ANK2: variants seen among roughly 807,000 people sequenced by gnomAD.
ANK2 encodes ankyrin 2.
Under a neutral mutation model 360.5 loss-of-function variants are expected in ANK2, and 83 were observed. The ratio of observed to expected loss-of-function variants is 0.23; its 90% CI spans 0.19 to 0.28. The LOEUF is 0.28. Among genes scored for constraint, ANK2 ranks in the 10% least tolerant of loss-of-function variants. The pLI, the probability that ANK2 is intolerant of heterozygous loss-of-function variation, is 1.00. For synonymous variants in ANK2, 1,740 were observed against 1,759.5 expected (o/e 0.99, Z 0.28); for missense variants, 4,201 against 4,795.7 (o/e 0.88, Z 3.66).
chr4:113,278,746 A>C (rs1192367408), intron 17 of ANK2, among the ~76,000 whole-genome samples, 188 bp downstream of exon 17: 1 of 151,856 alleles, frequency 6.6e-6, no homozygotes, highest in Non-Finnish European at 1.5e-5. Context: ...CTTTTTTAAG[A>C]TTTTTTAAGA....
chr4:112,742,950 G>A, the ANK2 span, among the ~76,000 whole-genome samples: 2 of 152,016 alleles, frequency 1.3e-5, no homozygotes, highest in East Asian at 1.9e-4. Context: ...GGTCTCGACT[G>A]GCCTCTCATT....
chr4:113,217,588 G>A (rs1001639124), intron 4 of ANK2, among the ~76,000 whole-genome samples: 7 of 152,146 alleles, frequency 4.6e-5, no homozygotes, highest in African/African-American at 1.4e-4. Context: ...ATTCTCATAA[G>A]GGGTGCGCAA....
At chr4:112,929,610 T>G (rs1355918365) in intron 2 of ANK2, among the ~76,000 whole-genome samples, 1 of 152,226 alleles carries the variant, frequency 6.6e-6, no homozygotes, top group Admixed American at 6.5e-5. Flanking sequence ...TGGCCAGGCT[T>G]AGTTTTTCCT....
chr4:112,958,846 TTTC>T (rs1353044251), intron 2 of ANK2, among the ~76,000 whole-genome samples: 1 of 34,032 alleles, frequency 2.9e-5, no homozygotes, highest in Non-Finnish European at 4.8e-5. Context: ...CAAGAGAAGA[TTTC>T]TTTTTCTTTT....
chr4:112,918,681 G>A (rs1055972613), intron 2 of ANK2, among the ~76,000 whole-genome samples: 2 of 152,182 alleles, frequency 1.3e-5, no homozygotes, highest in African/African-American at 4.8e-5. Flanking sequence ...CTTCTTAAGT[G>A]TTTTGAATGT....
At chr4:113,335,065 T>G (rs1487491231) in intron 29 of ANK2, among the ~76,000 whole-genome samples, 1 of 152,166 alleles carries the variant, frequency 6.6e-6, no homozygotes, top group Admixed American at 6.6e-5. Flanking sequence ...TGAACAACTT[T>G]CCATCACCTC....
At chr4:112,977,802 A>C (rs2041932314) in intron 2 of ANK2, among the ~76,000 whole-genome samples, 1 of 151,358 alleles carries the variant, frequency 6.6e-6, no homozygotes, top group Non-Finnish European at 1.5e-5. Context: ...TCATTGTTCA[A>C]CTCCCACTTA....
At chr4:113,063,249 A>G (rs2074278466) in intron 1 of ANK2, among the ~76,000 whole-genome samples, 1 of 152,150 alleles carries the variant, frequency 6.6e-6, no homozygotes, top group East Asian at 1.9e-4. Flanking sequence ...GCATTTGGTT[A>G]TCATTTATTA....
intron 1 of ANK2, among the ~76,000 whole-genome samples, chr4:113,163,769 A>G (rs936090964): frequency 1.4e-5 from 1 of 71,640 alleles, no homozygotes; most frequent in Non-Finnish European, 2.8e-5. Context: ...CGTCTCAAAA[A>G]AAAAAAAAAA....
At chr4:112,896,850 C>G (rs1256052626) in intron 1 of ANK2, among the ~76,000 whole-genome samples, 2 of 152,124 alleles carry the variant, frequency 1.3e-5, no homozygotes. Flanking sequence ...TCCAGTGAGC[C>G]ACCACCCTCA....
chr4:113,221,403 C>T (rs58311209), intron 4 of ANK2, among the ~76,000 whole-genome samples: 5,588 of 152,056 alleles, frequency 0.037, 120 homozygotes, highest in East Asian at 0.067. Flanking sequence ...CTCACATCTG[C>T]AATACCAGCA....
At chr4:113,249,529 C>G (rs1159278069) in intron 9 of ANK2, among the ~76,000 whole-genome samples, 3 of 152,138 alleles carry the variant, frequency 2.0e-5, no homozygotes, top group Non-Finnish European at 4.4e-5. Flanking sequence ...TTGCTTTCTC[C>G]CTGTCTCTGT....
rs1331314687 is a variant in ANK2, at chr4:113,336,001, G to C, written c.3535G>C (p.Val1179Leu). The change falls in exon 30 of 46, where the codon GTG (valine) becomes CTG (leucine). Residue 1179 changes from valine to leucine, a missense_variant. Physicochemically the swap from Val to Leu is conservative, Grantham distance 32. Around this residue, in one of 4 missense-constraint regions of ANK2, gnomAD observed 1,268 missense variants for 1,650.8 expected, o/e 0.77. Coordinates refer to ENST00000357077, the MANE Select transcript of ANK2 (RefSeq NM_001148.6). ...GVLSSTVVPQ[V>L]QAVFPEGALT... ...ACTGAGCAGCACAGTGGTGCCCCAG[G>C]TGCAGGCCGTCTTCCCAGAGGGGGC... 6.2e-7 allele frequency: 1 copy of C among 1,614,034 alleles called. No homozygotes were observed. Among genetic ancestry groups the C allele is most frequent in the Non-Finnish European group, 8.5e-7 (1 of 1,180,032 alleles).
rs770001257 is a variant in ANK2, at chr4:113,365,031, T to A, written c.10889-8T>A. On this transcript the variant is annotated splice_polypyrimidine_tract_variant and splice_region_variant and intron_variant, in intron 40 of 45. Transcript: ENST00000357077. ...GACATAATAAATGCTGTTTCTCTAA[T>A]GTGTCAGATACCAACCTCGTTGAAT... 1.8e-5 allele frequency: 29 copies of A among 1,613,584 alleles called. No homozygotes were observed. Among genetic ancestry groups the A allele is most frequent in the Non-Finnish European group, 2.5e-5 (29 of 1,179,756 alleles).
intron 1 of ANK2, among the ~76,000 whole-genome samples, chr4:113,067,325 G>A (rs1343942397): frequency 2.0e-5 from 3 of 151,982 alleles, no homozygotes; most frequent in African/African-American, 4.8e-5. Context: ...TGGAGGGGGC[G>A]GAGGGGAAAC....
At chr4:113,274,740 A>T (rs2059624168) in intron 15 of ANK2, 91 bp downstream of exon 15, 3 of 1,371,704 alleles carry the variant, frequency 2.2e-6, no homozygotes, top group Non-Finnish European at 3.1e-6. Context: ...AAGAGGGTAG[A>T]TCTCCTCAGG....
At chr4:113,350,130 A>G in intron 36 of ANK2, 98 bp from the exon 37 acceptor site, 1 of 1,104,272 alleles carries the variant, frequency 9.1e-7, no homozygotes, top group Non-Finnish European at 1.4e-6. Context: ...GGTGTCACCC[A>G]ACATGTATAA....
In ANK2 at chr4:113,224,533, A is replaced by C. The variant is rs534843420; in HGVS notation, c.385-7628A>C. ...CAATCTCTGGGTTAAAAATTCCTCA[A>C]CTGTAAAATGGTGACATCTGTTTCA... On this transcript the variant is annotated intron_variant, in intron 4 of 45. Coordinates refer to ENST00000357077, the MANE Select transcript of ANK2 (RefSeq NM_001148.6). 2.0e-5 allele frequency among the ~76,000 whole-genome samples: 3 copies of C among 152,296 alleles called. No individual in the cohort carries two copies. In the South Asian group the frequency reaches 6.2e-4, roughly 32 times the overall value.
intron 2 of ANK2, among the ~76,000 whole-genome samples, chr4:112,909,171 A>G (rs554150655): frequency 8.5e-5 from 13 of 152,214 alleles, no homozygotes; most frequent in Non-Finnish European, 1.6e-4. Context: ...AATCTTTTGT[A>G]TACTTCAGTG....
Sources: allele counts gnomAD v4.1 joint callset (sites outside exome capture counted in the v4.1 genomes callset), GRCh38; gene constraint gnomAD v4.1.1; regional missense constraint gnomAD v4.1.1; transcripts MANE v1.5; gene names NCBI Gene and HGNC (gene_info 2026-07-23, HGNC 2026-07-21).